ATRNL1: variants seen among roughly 807,000 people sequenced by gnomAD.
The protein encoded by ATRNL1 is attractin-like protein 1.
A neutral mutation model predicts 182.7 loss-of-function variants in ATRNL1; 95 were observed. The ratio of observed to expected loss-of-function variants is 0.52; its 90% CI spans 0.44 to 0.62. ATRNL1 has a LOEUF of 0.62. Ranked by LOEUF, ATRNL1 falls within the 20% of genes least tolerant of loss-of-function variation. The pLI is 0.00. For missense variants in ATRNL1, 1,471 were observed against 1,679.5 expected, an observed-to-expected ratio of 0.88 and a Z score of 2.17; for synonymous variants, 576 against 568.3, an observed-to-expected ratio of 1.01 and a Z score of -0.19.
intron 1 of ATRNL1, among the ~76,000 whole-genome samples, chr10:115,102,616 G>A (rs12245856): frequency 0.025 from 3,805 of 151,958 alleles, 157 homozygotes; most frequent in African/African-American, 0.087. Context: ...GCTAATTTTT[G>A]TATTTTTGGT....
At chr10:115,168,810 C>T (rs1847163497) in intron 7 of ATRNL1, among the ~76,000 whole-genome samples, 1 of 151,720 alleles carries the variant, frequency 6.6e-6, no homozygotes, top group Admixed American at 6.6e-5. Context: ...TGGACTTTAT[C>T]TTGATAAAGT....
intron 26 of ATRNL1, among the ~76,000 whole-genome samples, chr10:115,684,900 T>C (rs1332059363): frequency 2.6e-5 from 4 of 151,788 alleles, no homozygotes; most frequent in Admixed American, 2.6e-4. Flanking sequence ...TTTATGTTAA[T>C]TTAATTGATT....
intron 20 of ATRNL1, among the ~76,000 whole-genome samples, chr10:115,407,921 C>T (rs1844913471): frequency 6.7e-6 from 1 of 149,986 alleles, no homozygotes; most frequent in Admixed American, 6.7e-5. Context: ...AAGACACAGC[C>T]ATTTTAACAC....
chr10:115,441,340 C>T (rs548082430), intron 21 of ATRNL1, among the ~76,000 whole-genome samples: 3 of 151,912 alleles, frequency 2.0e-5, no homozygotes, highest in Admixed American at 6.6e-5. Flanking sequence ...AAATAGTTGC[C>T]TAAACTTGTC....
intron 25 of ATRNL1, among the ~76,000 whole-genome samples, chr10:115,547,261 A>ATAT (rs1417204395): frequency 1.6e-3 from 224 of 138,370 alleles, no homozygotes; most frequent in Non-Finnish European, 2.3e-3. Flanking sequence ...TCTCAAAAAA[A>ATAT]AAATATATAT....
At chr10:115,641,377 C>G (rs1555030359) in intron 26 of ATRNL1, among the ~76,000 whole-genome samples, 1 of 152,064 alleles carries the variant, frequency 6.6e-6, no homozygotes, top group African/African-American at 2.4e-5. Context: ...TAGGCTCTAC[C>G]TCTGTCATGC....
At chr10:115,122,980 A>G (rs1325623325) in intron 3 of ATRNL1, among the ~76,000 whole-genome samples, 2 of 152,142 alleles carry the variant, frequency 1.3e-5, no homozygotes, top group Admixed American at 6.5e-5. Flanking sequence ...CTCTATTTTT[A>G]TGATACCGTT....
intron 26 of ATRNL1, among the ~76,000 whole-genome samples, chr10:115,666,031 G>C (rs1264178719): frequency 6.6e-6 from 1 of 152,064 alleles, no homozygotes; most frequent in Non-Finnish European, 1.5e-5. Flanking sequence ...ATGGTAATTT[G>C]ATTATGATAA....
intron 28 of ATRNL1, among the ~76,000 whole-genome samples, chr10:115,892,211 C>A (rs1952096321): frequency 1.3e-5 from 2 of 152,146 alleles, no homozygotes; most frequent in African/African-American, 2.4e-5. Context: ...TTTATTAAAG[C>A]AAAATTTGAT....
chr10:115,893,866 G>T (rs192783905), intron 28 of ATRNL1, among the ~76,000 whole-genome samples: 1 of 152,160 alleles, frequency 6.6e-6, no homozygotes, highest in African/African-American at 2.4e-5. Flanking sequence ...AACCAAATAA[G>T]GACCTTTGTT....
intron 18 of ATRNL1, among the ~76,000 whole-genome samples, chr10:115,316,653 C>T (rs1029737463): frequency 6.6e-6 from 1 of 152,168 alleles, no homozygotes; most frequent in Non-Finnish European, 1.5e-5. Flanking sequence ...TTGCATTTCT[C>T]TAATGATCAG....
intron 28 of ATRNL1, among the ~76,000 whole-genome samples, chr10:115,943,613 CT>C (rs71010059): frequency 4.8e-4 from 70 of 146,610 alleles, no homozygotes; most frequent in African/African-American, 5.0e-4. Context: ...TACAGTTTGG[CT>C]TTTTTTTTTT....
At chr10:115,331,706 A>G (rs1002136520) in intron 18 of ATRNL1, among the ~76,000 whole-genome samples, 1 of 148,446 alleles carries the variant, frequency 6.7e-6, no homozygotes, top group African/African-American at 2.5e-5. Context: ...TTTGTTTGTG[A>G]CTGCTCTGTT....
intron 9 of ATRNL1, among the ~76,000 whole-genome samples, chr10:115,230,889 G>C (rs1205082128): frequency 6.4e-4 from 57 of 89,038 alleles, no homozygotes; most frequent in African/African-American, 1.4e-3. Flanking sequence ...GAGAGAGAGA[G>C]AGAGAGAGAG....
chr10:115,246,146 TA>T (rs1449623041), intron 10 of ATRNL1, among the ~76,000 whole-genome samples: 2 of 152,320 alleles, frequency 1.3e-5, no homozygotes, highest in East Asian at 3.9e-4. Flanking sequence ...ATTTATAATA[TA>T]ATTATTGTTA....
intron 27 of ATRNL1, among the ~76,000 whole-genome samples, chr10:115,789,744 C>T (rs1555081227): frequency 6.6e-6 from 1 of 152,194 alleles, no homozygotes; most frequent in Non-Finnish European, 1.5e-5. Context: ...GGACCCCCTG[C>T]TTCCTACGCC....
intron 21 of ATRNL1, among the ~76,000 whole-genome samples, chr10:115,427,672 A>G (rs2134400150): frequency 6.6e-6 from 1 of 152,276 alleles, no homozygotes; most frequent in Middle Eastern, 3.4e-3. Flanking sequence ...AGCACACTTT[A>G]TGTGAAGACT....
At chr10:115,816,545 T>A (rs780102777) in intron 27 of ATRNL1, among the ~76,000 whole-genome samples, 3 of 151,868 alleles carry the variant, frequency 2.0e-5, no homozygotes, top group Non-Finnish European at 4.4e-5. Context: ...GACAGACACA[T>A]ACATATATTA....
chr10:115,828,767 G>A (rs1950495876), intron 27 of ATRNL1, among the ~76,000 whole-genome samples: 1 of 152,120 alleles, frequency 6.6e-6, no homozygotes, highest in Non-Finnish European at 1.5e-5. Flanking sequence ...TGGCTGCCAA[G>A]TTTCACCACC....
Sources: gnomAD v4.1 joint callset for allele counts (sites outside exome capture counted in the v4.1 genomes callset) on GRCh38, gnomAD v4.1.1 for gene constraint, MANE v1.5 for transcripts, NCBI Gene and HGNC (gene_info 2026-07-23, HGNC 2026-07-21) for gene names.